The following GPHN variants were observed in gnomAD, a reference collection of about 807,000 sequenced individuals.
GPHN encodes the protein gephyrin.
Under a neutral mutation model 95.5 loss-of-function variants are expected in GPHN, and 17 were observed. The observed-to-expected ratio is 0.18, with a 90% CI of 0.12 to 0.27. GPHN has a LOEUF of 0.27. Among genes scored for constraint, GPHN ranks in the 10% least tolerant of loss-of-function variants. The pLI, the probability that GPHN is intolerant of heterozygous loss-of-function variation, is 1.00. For missense variants in GPHN, 660 were observed against 978.1 expected, an observed-to-expected ratio of 0.67 and a Z score of 4.34; for synonymous variants, 320 against 322.5, an observed-to-expected ratio of 0.99 and a Z score of 0.08.
At chr14:66,552,873 G>GT (rs1477460847) in intron 1 of GPHN, among the ~76,000 whole-genome samples, 1 of 149,388 alleles carries the variant, frequency 6.7e-6, no homozygotes, top group African/African-American at 2.5e-5. Flanking sequence ...TCTTACTTTT[G>GT]TTTTTAATCA....
At chr14:66,898,628 C>A (rs1035872970) in intron 5 of GPHN, among the ~76,000 whole-genome samples, 1 of 151,908 alleles carries the variant, frequency 6.6e-6, no homozygotes, top group African/African-American at 2.4e-5. Context: ...TAATCTTTAT[C>A]ATTGTAGCTA....
chr14:67,699,483 C>T, the GPHN span, among the ~76,000 whole-genome samples: 11 of 150,176 alleles, frequency 7.3e-5, no homozygotes, highest in East Asian at 3.9e-4. Context: ...CCAGCTACTC[C>T]GGAGGTTCAG....
chr14:66,779,803 A>C (rs2059540056), intron 3 of GPHN, among the ~76,000 whole-genome samples: 1 of 152,098 alleles, frequency 6.6e-6, no homozygotes, highest in Non-Finnish European at 1.5e-5. Context: ...TTATCCTGAA[A>C]ATTATGGGAT....
At chr14:67,478,943 C>T in the GPHN span, among the ~76,000 whole-genome samples, 4 of 152,214 alleles carry the variant, frequency 2.6e-5, no homozygotes, top group Non-Finnish European at 4.4e-5. Context: ...GAATATTCAA[C>T]CTAACTCCGA....
chr14:66,679,152 C>T (rs2066792967), intron 1 of GPHN, among the ~76,000 whole-genome samples: 1 of 152,234 alleles, frequency 6.6e-6, no homozygotes, highest in Non-Finnish European at 1.5e-5. Flanking sequence ...CTGGTTGAGC[C>T]AGTCTTTGAG....
chr14:67,563,001 C>A, the GPHN span: 1 of 1,174,780 alleles, frequency 8.5e-7, no homozygotes, highest in Non-Finnish European at 1.2e-6. Flanking sequence ...CTGGCATCCT[C>A]ATGGTGGCCC....
At chr14:66,514,112 G>A (rs1164113450) in intron 1 of GPHN, among the ~76,000 whole-genome samples, 1 of 151,794 alleles carries the variant, frequency 6.6e-6, no homozygotes, top group Non-Finnish European at 1.5e-5. Context: ...CTAAGCCACA[G>A]GAACAAACAT....
At chr14:66,926,653 C>A (rs979650318) in intron 8 of GPHN, among the ~76,000 whole-genome samples, 1 of 152,132 alleles carries the variant, frequency 6.6e-6, no homozygotes, top group African/African-American at 2.4e-5. Flanking sequence ...GCTACTATAG[C>A]TCTGTAGTAT....
chr14:66,798,372 T>C (rs1310086240), intron 3 of GPHN, among the ~76,000 whole-genome samples: 1 of 151,950 alleles, frequency 6.6e-6, no homozygotes, highest in Non-Finnish European at 1.5e-5. Context: ...TTTTTCAGAA[T>C]AGTGTGAATA....
At chr14:67,421,393 C>T in the GPHN span, among the ~76,000 whole-genome samples, 75 of 152,112 alleles carry the variant, frequency 4.9e-4, no homozygotes, top group Non-Finnish European at 9.1e-4. Flanking sequence ...GGACCGACCT[C>T]CACTTTACAG....
intron 20 of GPHN, among the ~76,000 whole-genome samples, chr14:67,166,158 A>G (rs1213301341): frequency 1.3e-5 from 2 of 152,238 alleles, no homozygotes; most frequent in Non-Finnish European, 2.9e-5. Context: ...CTTTGAAAAC[A>G]TTTTAAGCCC....
chr14:66,885,329 T>C (rs769145118), intron 5 of GPHN, among the ~76,000 whole-genome samples: 1 of 152,154 alleles, frequency 6.6e-6, no homozygotes, highest in African/African-American at 2.4e-5. Flanking sequence ...CTTTGTAGTC[T>C]ATTCAAAGGC....
intron 1 of GPHN, among the ~76,000 whole-genome samples, chr14:66,582,971 C>A (rs1566642933): frequency 1.3e-5 from 2 of 152,162 alleles, no homozygotes. Context: ...CTGACTTCCA[C>A]AATGGTGGAA....
At chr14:67,622,148 G>A in the GPHN span, among the ~76,000 whole-genome samples, 2 of 152,108 alleles carry the variant, frequency 1.3e-5, no homozygotes, top group Non-Finnish European at 2.9e-5. Context: ...CAATCTAAAT[G>A]TTTCTAGACT....
chr14:67,063,289 A>G (rs2075898666), intron 11 of GPHN, among the ~76,000 whole-genome samples: 1 of 152,052 alleles, frequency 6.6e-6, no homozygotes, highest in African/African-American at 2.4e-5. Flanking sequence ...CCATTGGTCT[A>G]TATATCTGTT....
chr14:67,459,021 G>A, the GPHN span, among the ~76,000 whole-genome samples: 1 of 152,188 alleles, frequency 6.6e-6, no homozygotes, highest in African/African-American at 2.4e-5. Flanking sequence ...CTGAGTAGCT[G>A]GGATTACAGG....
At chr14:67,729,603 G>T in the GPHN span, 27 of 630,936 alleles carry the variant, frequency 4.3e-5, no homozygotes, top group East Asian at 3.6e-4. Flanking sequence ...CTCGTGTGCC[G>T]CTTTTCCATG....
At chr14:67,076,326 C>G (rs575894502) in intron 11 of GPHN, among the ~76,000 whole-genome samples, 3 of 152,142 alleles carry the variant, frequency 2.0e-5, no homozygotes, top group East Asian at 1.9e-4. Context: ...TACAGAATAG[C>G]GTAAACATAA....
At chr14:67,397,747 C>T in the GPHN span, 1 of 1,612,948 alleles carries the variant, frequency 6.2e-7, no homozygotes, top group Non-Finnish European at 8.5e-7. Context: ...CACTCTCCGA[C>T]CCCCCTCAAG....
Sources: gnomAD v4.1 joint callset for allele counts (sites outside exome capture counted in the v4.1 genomes callset) on GRCh38, gnomAD v4.1.1 for gene constraint, MANE v1.5 for transcripts, NCBI Gene and HGNC (gene_info 2026-07-23, HGNC 2026-07-21) for gene names.